Variants in RUNDC3B observed in about 807,000 individuals in gnomAD.
RUNDC3B encodes RUN domain-containing protein 3B.
Under a neutral mutation model 58.4 loss-of-function variants are expected in RUNDC3B, and 33 were observed. The observed-to-expected ratio is 0.56, with a 90% CI of 0.43 to 0.75. The LOEUF is 0.75. Ranked by LOEUF, RUNDC3B falls within the 30% of genes least tolerant of loss-of-function variation. RUNDC3B has a pLI of 0.00. For missense variants in RUNDC3B, 501 were observed against 535.7 expected (o/e 0.94, Z 0.64); for synonymous variants, 193 against 195.2 (o/e 0.99, Z 0.10).
intron 6 of RUNDC3B, among the ~76,000 whole-genome samples, chr7:87,748,141 G>A (rs1832756145): frequency 6.6e-6 from 1 of 152,190 alleles, no homozygotes; most frequent in Non-Finnish European, 1.5e-5. Flanking sequence ...CACCCAGCGA[G>A]CTCCCAGGGC....
At chr7:87,786,174 T>A (rs1319941907) in intron 8 of RUNDC3B, among the ~76,000 whole-genome samples, 1 of 152,162 alleles carries the variant, frequency 6.6e-6, no homozygotes, top group African/African-American at 2.4e-5. Flanking sequence ...TCTTGTCCCC[T>A]GCCTCCTAAA....
chr7:87,693,322 A>G (rs146166129), intron 2 of RUNDC3B, among the ~76,000 whole-genome samples: 1 of 152,338 alleles, frequency 6.6e-6, no homozygotes, highest in East Asian at 1.9e-4. Flanking sequence ...TTTATATAAT[A>G]TCTAAGTGCT....
intron 6 of RUNDC3B, among the ~76,000 whole-genome samples, chr7:87,761,407 T>C (rs1469089941): frequency 1.3e-5 from 2 of 151,970 alleles, no homozygotes; most frequent in Non-Finnish European, 2.9e-5. Flanking sequence ...GAAATAAGTT[T>C]GATAATTTCT....
intron 2 of RUNDC3B, among the ~76,000 whole-genome samples, chr7:87,672,567 C>A (rs1182138975): frequency 6.6e-6 from 1 of 152,196 alleles, no homozygotes; most frequent in Non-Finnish European, 1.5e-5. Context: ...CAGCCTTCCA[C>A]TTTGCCAGAG....
intron 1 of RUNDC3B, among the ~76,000 whole-genome samples, chr7:87,642,166 A>G (rs1343056542): frequency 6.6e-6 from 1 of 151,954 alleles, no homozygotes; most frequent in African/African-American, 2.4e-5. Context: ...AAACCCAAAT[A>G]TATCTGGTTT....
chr7:87,671,057 C>T (rs1825778690), intron 2 of RUNDC3B, among the ~76,000 whole-genome samples: 1 of 152,112 alleles, frequency 6.6e-6, no homozygotes, highest in Admixed American at 6.5e-5. Flanking sequence ...TGCTTGTTTC[C>T]TGGGGGCTCC....
At chr7:87,783,135 A>G (rs1057334657) in intron 8 of RUNDC3B, among the ~76,000 whole-genome samples, 4 of 151,108 alleles carry the variant, frequency 2.6e-5, no homozygotes, top group South Asian at 4.2e-4. Flanking sequence ...GGGTGCTCCA[A>G]TGTCAGTGTG....
At chr7:87,741,463 A>G (rs777202286) in intron 5 of RUNDC3B, 36 bp from the exon 6 acceptor site, 8 of 1,108,800 alleles carry the variant, frequency 7.2e-6, no homozygotes, top group South Asian at 1.7e-5. Context: ...AAAATTTTAT[A>G]TATTAATAGG....
At chr7:87,786,367 T>C (rs1467389788) in intron 8 of RUNDC3B, among the ~76,000 whole-genome samples, 7 of 152,154 alleles carry the variant, frequency 4.6e-5, no homozygotes, top group African/African-American at 1.7e-4. Context: ...TTAATATTTT[T>C]TAGGAATTTG....
intron 10 of RUNDC3B, among the ~76,000 whole-genome samples, chr7:87,827,259 G>A (rs752918603): frequency 1.3e-5 from 2 of 151,994 alleles, no homozygotes; most frequent in African/African-American, 2.4e-5. Context: ...AGGCTGAGGC[G>A]GGCAGATCAC....
chr7:87,709,280 T>C (rs2130735631), intron 3 of RUNDC3B: 1 of 985,380 alleles, frequency 1.0e-6, no homozygotes. Context: ...AGCAACTTTC[T>C]TGACTTCATT....
chr7:87,755,370 A>G lies in RUNDC3B; in HGVS notation c.629+13791A>G, dbSNP rs1445652193. On this transcript the variant is annotated intron_variant, in intron 6 of 10. Transcript: ENST00000394654. ...TATTCCAAAATATTGAGGAGGAAAG[A>G]CTCCTCCCCAACTTATTCTATGAGG... Among the ~76,000 whole-genome samples, 5 of 151,698 alleles carry G rather than the reference A, an allele frequency of 3.3e-5. No individual in the cohort carries two copies. In the East Asian group the frequency reaches 7.8e-4, roughly 24 times the overall value.
chr7:87,638,347 G>GTT, intron 1 of RUNDC3B, among the ~76,000 whole-genome samples: 1 of 131,198 alleles, frequency 7.6e-6, no homozygotes, highest in Non-Finnish European at 1.6e-5. Context: ...GTATGTGTTT[G>GTT]TGTGTGTGTG....
intron 8 of RUNDC3B, among the ~76,000 whole-genome samples, chr7:87,803,849 G>A (rs146450707): frequency 7.2e-5 from 11 of 152,072 alleles, no homozygotes; most frequent in African/African-American, 2.2e-4. Context: ...GTTATGAGGT[G>A]GTATATGGGA....
intron 3 of RUNDC3B, among the ~76,000 whole-genome samples, chr7:87,706,887 T>G (rs1396878941): frequency 6.6e-6 from 1 of 152,126 alleles, no homozygotes; most frequent in Non-Finnish European, 1.5e-5. Context: ...AGGGAAGAGG[T>G]AAAACTGCTG....
intron 10 of RUNDC3B, among the ~76,000 whole-genome samples, chr7:87,817,484 A>G (rs1043571609): frequency 2.6e-5 from 4 of 152,118 alleles, no homozygotes; most frequent in African/African-American, 9.7e-5. Flanking sequence ...GCCTCATTTC[A>G]TACCATTCTT....
chr7:87,691,508 C>T (rs926908314), intron 2 of RUNDC3B, among the ~76,000 whole-genome samples: 2 of 152,078 alleles, frequency 1.3e-5, no homozygotes, highest in African/African-American at 4.8e-5. Context: ...AATACTGTTT[C>T]ACTTTCTTTT....
chr7:87,763,833 C>T (rs1176736711), intron 6 of RUNDC3B, among the ~76,000 whole-genome samples: 1 of 151,766 alleles, frequency 6.6e-6, no homozygotes, highest in African/African-American at 2.4e-5. Flanking sequence ...TGACTAAGAA[C>T]ATCTTGTTGG....
chr7:87,807,702 C>T (rs1362527637), intron 9 of RUNDC3B, among the ~76,000 whole-genome samples, 183 bp downstream of exon 9: 1 of 152,128 alleles, frequency 6.6e-6, no homozygotes, highest in Non-Finnish European at 1.5e-5. Context: ...ATTGTACCAG[C>T]TGTCTACTTT....
Sources: gnomAD v4.1 joint callset for allele counts (sites outside exome capture counted in the v4.1 genomes callset) on GRCh38, gnomAD v4.1.1 for gene constraint, MANE v1.5 for transcripts, NCBI Gene and HGNC (gene_info 2026-07-23, HGNC 2026-07-21) for gene names.